Variants in SQSTM1 observed in about 807,000 individuals in gnomAD.
SQSTM1 encodes the protein sequestosome 1, also known as sequestosome-1.
A neutral mutation model predicts 45.1 loss-of-function variants in SQSTM1; 36 were observed. The ratio of observed to expected loss-of-function variants is 0.80; its 90% CI spans 0.61 to 1.05. The LOEUF (loss-of-function observed/expected upper bound fraction) is 1.05. Ranked by LOEUF, SQSTM1 falls within the 50% of genes least tolerant of loss-of-function variation. The pLI, the probability that SQSTM1 is intolerant of heterozygous loss-of-function variation, is 0.00. For synonymous variants in SQSTM1, 290 were observed against 244.3 expected (o/e 1.19, Z -1.74); for missense variants, 617 against 607.1 (o/e 1.02, Z -0.17).
intron 5 of SQSTM1, among the ~76,000 whole-genome samples, chr5:179,832,049 C>T (rs904820592): frequency 6.6e-6 from 1 of 152,314 alleles, no homozygotes; most frequent in South Asian, 2.1e-4. Flanking sequence ...TCCCAAAGTG[C>T]TGGGATTACA....
intron 5 of SQSTM1, among the ~76,000 whole-genome samples, chr5:179,832,368 G>A (rs983446066): frequency 1.3e-5 from 2 of 152,226 alleles, no homozygotes; most frequent in East Asian, 1.9e-4. Context: ...GGTGAGTCAC[G>A]TGAGCCTGGA....
intron 5 of SQSTM1, 109 bp from the exon 6 acceptor site, chr5:179,832,923 C>T (rs1758302871): frequency 8.9e-7 from 1 of 1,125,290 alleles, no homozygotes; most frequent in Admixed American, 1.8e-5. Context: ...CTTGTGGGGA[C>T]TGAACGTTGA....
At position 179,837,483 on chromosome 5, in the gene SQSTM1, C is replaced by T; in HGVS notation, c.*890C>T. 6.2e-7 allele frequency: 1 copy of T among 1,614,108 alleles called. No homozygotes were observed. Among genetic ancestry groups the T allele is most frequent in the Non-Finnish European group, 8.5e-7 (1 of 1,179,946 alleles). On this transcript the variant is annotated 3_prime_UTR_variant, in exon 8 of 8. Transcript: ENST00000389805. ...TGTGCCTCCAGGACCAGGGGCCCAC[C>T]CTCTGCCCAGGGAGTCCTTGCGTCC...
At chr5:179,826,849 G>T (rs927727190) in intron 5 of SQSTM1, among the ~76,000 whole-genome samples, 3 of 152,098 alleles carry the variant, frequency 2.0e-5, no homozygotes, top group Admixed American at 1.3e-4. Context: ...CCAAAGTGCT[G>T]GGATTACAGG....
chr5:179,828,475 G>C (rs1374597113), intron 5 of SQSTM1, among the ~76,000 whole-genome samples: 2 of 147,774 alleles, frequency 1.4e-5, no homozygotes, highest in Non-Finnish European at 3.0e-5. Context: ...CCGGGTTCAA[G>C]CGATTCTCCT....
At chr5:179,818,845 T>A (rs1279278723), upstream of SQSTM1, 1 of 152,234 alleles carries the variant, frequency 6.6e-6, no homozygotes. Flanking sequence ...TCCCTGGGCA[T>A]GCACGCCGGG....
At chr5:179,825,898 G>A (rs1045166292) in intron 5 of SQSTM1, among the ~76,000 whole-genome samples, 14 of 152,180 alleles carry the variant, frequency 9.2e-5, no homozygotes, top group African/African-American at 1.9e-4. Context: ...TTAGGCATGC[G>A]GCAGTGAGAA....
At position 179,835,928 on chromosome 5, in the gene SQSTM1, T is replaced by G. The variant is rs191414526; in HGVS notation, c.1166-508T>G. ...ACTCATTGCTTGATGGGCAGTTAGGTTGGTTCCACATCTTTGCAATTGTGA... is the reference window on the plus strand; with the variant it reads ...ACTCATTGCTTGATGGGCAGTTAGGGTGGTTCCACATCTTTGCAATTGTGA... On this transcript the variant is annotated intron_variant, in intron 7 of 7. Coordinates refer to ENST00000389805, the MANE Select transcript of SQSTM1 (RefSeq NM_003900.5). The G allele has an allele frequency of 9.9e-4, 218 of 219,996 alleles. 1 individual carries two copies. Among genetic ancestry groups the G allele is most frequent in the African/African-American group, 4.2e-3 (185 of 44,080 alleles). 13.6% of individuals were successfully genotyped at this position (219,996 alleles called of 1,614,324 possible).
At chr5:179,815,036 G>A (rs1486222313), upstream of SQSTM1, among the ~76,000 whole-genome samples, 1 of 152,184 alleles carries the variant, frequency 6.6e-6, no homozygotes, top group Admixed American at 6.5e-5. Flanking sequence ...GGCTTGAGGG[G>A]GAGCATATGG....
At position 179,822,938 on chromosome 5, in the gene SQSTM1, C is replaced by A. The variant is rs1438269421; in HGVS notation, c.206-20C>A. On this transcript the variant is annotated intron_variant, in intron 1 of 7. Coordinates refer to ENST00000389805, the MANE Select transcript of SQSTM1 (RefSeq NM_003900.5). Reference sequence around the variant, plus strand: ...CTGAGAACCCCTGGGTGCTCACGTGCTGTCTTTTAAACAATCTAGATGAGG... The same window carrying A: ...CTGAGAACCCCTGGGTGCTCACGTGATGTCTTTTAAACAATCTAGATGAGG... The A allele has an allele frequency of 1.9e-6, 3 of 1,611,752 alleles. No individual in the cohort carries two copies. Among genetic ancestry groups the A allele is most frequent in the South Asian group, 2.2e-5 (2 of 91,052 alleles).
At chr5:179,809,188 T>G (rs1221497867) in intron 1 of SQSTM1, among the ~76,000 whole-genome samples, 6 of 134,420 alleles carry the variant, frequency 4.5e-5, no homozygotes, top group African/African-American at 1.4e-4. Context: ...AGACGGAGTC[T>G]CGGTCTGTCG....
chr5:179,809,155 CTTTTT>C (rs148749058), intron 1 of SQSTM1, among the ~76,000 whole-genome samples: 1 of 100,230 alleles, frequency 1.0e-5, no homozygotes. Flanking sequence ...CCACCCCGGC[CTTTTT>C]TTTTTTTTTT....
rs1757159444 is a variant in SQSTM1, at chr5:179,806,417, A to ACCGCCGGGCCCGCTCCCG, written c.-324_-307dup. Reference sequence around the variant, plus strand: ...CGGCTTCCGGCCGCCTTCCGCGGCCACCGCCGGGCCCGCTCCCGCCGCCGA... The same window carrying ACCGCCGGGCCCGCTCCCG: ...CGGCTTCCGGCCGCCTTCCGCGGCCACCGCCGGGCCCGCTCCCGCCGCCGGGCCCGCTCCCGCCGCCGA... On this transcript the variant is annotated 5_prime_UTR_variant, in exon 1 of 6. Coordinates refer to the SQSTM1 transcript ENST00000514093. The surrounding 1 kb of genome is among the most constrained non-coding windows in gnomAD (Gnocchi z 4.6). 6 of 1,002,908 alleles carry ACCGCCGGGCCCGCTCCCG rather than the reference A, an allele frequency of 6.0e-6. No homozygotes were observed. The Admixed American group carries it at 3.2e-4, about 54-fold the overall frequency. The allele number at this position is 1,002,908 out of a possible 1,614,324, so 62.1% of individuals were successfully genotyped here. A position where few individuals can be genotyped will look rare whatever the true frequency, so the allele number is the denominator to read the frequency against.
intron 5 of SQSTM1, among the ~76,000 whole-genome samples, chr5:179,825,619 C>CT (rs1757957443): frequency 6.6e-6 from 1 of 152,200 alleles, no homozygotes; most frequent in African/African-American, 2.4e-5. Flanking sequence ...AGTTGACATG[C>CT]TATTTATCTT....
chr5:179,821,942 T>C (rs1184076966), intron 1 of SQSTM1, among the ~76,000 whole-genome samples: 1 of 143,426 alleles, frequency 7.0e-6, no homozygotes, highest in African/African-American at 2.5e-5. Context: ...CCCTCTCCTA[T>C]TCTTAAAAAA....
rs575816079 is a variant in SQSTM1, at chr5:179,830,683, G to A, written c.755-2349G>A. Among the ~76,000 whole-genome samples, 8 of 151,950 alleles carry A rather than the reference G, an allele frequency of 5.3e-5. No individual in the cohort carries two copies. The South Asian group carries it at 8.4e-4, about 16-fold the overall frequency. ...AAGCAATTTTCTGCCTCAGCCTCCCGAGTAGCTGGGATTACAGGCACCCGC... is the reference window on the plus strand; with the variant it reads ...AAGCAATTTTCTGCCTCAGCCTCCCAAGTAGCTGGGATTACAGGCACCCGC... On this transcript the variant is annotated intron_variant, in intron 5 of 7. Transcript: ENST00000389805.
upstream of SQSTM1, among the ~76,000 whole-genome samples, chr5:179,819,777 C>T (rs547125391): frequency 6.8e-4 from 104 of 152,328 alleles, no homozygotes; most frequent in African/African-American, 2.4e-3. Flanking sequence ...GGAAGCCTTG[C>T]CCACTTCGGA....
chr5:179,836,450 C>T lies in SQSTM1; in HGVS notation c.1180C>T (p.Leu394=), dbSNP rs1451266207. The T allele has an allele frequency of 6.2e-7, 1 of 1,614,096 alleles. No individual in the cohort carries two copies. The highest frequency in any genetic ancestry group is 1.3e-5 in the African/African-American group (1 of 74,930). ...TGTTTCGGCAGAGGCTGACCCGCGG[C>T]TGATTGAGTCCCTCTCCCAGATGCT... ...PHLPPEADPR[L]IESLSQMLSM... The change falls in exon 8 of 8, where the codon CTG becomes TTG. Residue 394 remains leucine, a synonymous_variant. Coordinates refer to ENST00000389805, the MANE Select transcript of SQSTM1 (RefSeq NM_003900.5).
At chr5:179,826,210 G>A (rs1757981435) in intron 5 of SQSTM1, among the ~76,000 whole-genome samples, 3 of 152,012 alleles carry the variant, frequency 2.0e-5, no homozygotes, top group South Asian at 4.2e-4. Context: ...TGTCACGGAG[G>A]CTGGAGTGCA....
Sources: gnomAD v4.1 joint callset for allele counts (sites outside exome capture counted in the v4.1 genomes callset) on GRCh38, gnomAD v4.1.1 for gene constraint, Gnocchi (gnomAD v3.1) non-coding constraint, MANE v1.5 for transcripts, NCBI Gene and HGNC (gene_info 2026-07-23, HGNC 2026-07-21) for gene names.